CACNA2D1: variants seen among roughly 807,000 people sequenced by gnomAD.
CACNA2D1 encodes calcium voltage-gated channel auxiliary subunit alpha2delta 1.
A neutral mutation model predicts 171.5 loss-of-function variants in CACNA2D1; 53 were observed. The observed-to-expected ratio is 0.31, with a 90% CI of 0.25 to 0.39. CACNA2D1 has a LOEUF of 0.39. CACNA2D1 is among the 10% of genes least tolerant of loss of function. The pLI is 1.00. For missense variants in CACNA2D1, 903 were observed against 1,299.8 expected (o/e 0.69, Z 4.69); for synonymous variants, 442 against 443.1 (o/e 1.00, Z 0.03).
chr7:82,129,492 A>G (rs890027300), intron 5 of CACNA2D1, among the ~76,000 whole-genome samples: 1 of 152,078 alleles, frequency 6.6e-6, no homozygotes, highest in Non-Finnish European at 1.5e-5. Flanking sequence ...ACTTATTCTG[A>G]GGATTATTGA....
chr7:82,149,824 G>A (rs1307077879), intron 4 of CACNA2D1, among the ~76,000 whole-genome samples: 1 of 151,734 alleles, frequency 6.6e-6, no homozygotes, highest in Non-Finnish European at 1.5e-5. Flanking sequence ...GGGTGTGGTG[G>A]TAGGCGCCTG....
chr7:82,245,587 A>G (rs1368225690), intron 3 of CACNA2D1, among the ~76,000 whole-genome samples: 3 of 151,988 alleles, frequency 2.0e-5, no homozygotes, highest in Non-Finnish European at 4.4e-5. Flanking sequence ...AGACTTTCGT[A>G]AATATTCAGT....
intron 11 of CACNA2D1, among the ~76,000 whole-genome samples, chr7:82,037,589 G>C (rs1803456619): frequency 6.6e-6 from 1 of 152,066 alleles, no homozygotes; most frequent in South Asian, 2.1e-4. Context: ...AAGAATTCCT[G>C]CTCCGGGAGT....
intron 10 of CACNA2D1, among the ~76,000 whole-genome samples, chr7:82,052,365 C>G (rs1805288177): frequency 1.3e-5 from 2 of 152,166 alleles, no homozygotes; most frequent in Non-Finnish European, 2.9e-5. Flanking sequence ...TGCACACATG[C>G]ACGCACACAT....
Position 82,007,815 on chromosome 7 carries a change from G to C in CACNA2D1, c.1363-59C>G. On this transcript the variant is annotated intron_variant, in intron 15 of 38. Coordinates refer to ENST00000356860, the MANE Select transcript of CACNA2D1 (RefSeq NM_000722.4). ...AAATTACAATTTAAGCTTTGTCAGAGTGCACTAACCTTTGATATCTGAGAT... is the reference window on the plus strand; with the variant it reads ...AAATTACAATTTAAGCTTTGTCAGACTGCACTAACCTTTGATATCTGAGAT... 2 of 971,796 alleles carry C rather than the reference G, an allele frequency of 2.1e-6. 1 individual carries two copies. Among genetic ancestry groups the C allele is most frequent in the Middle Eastern group, 4.2e-4 (2 of 4,792 alleles). The allele number at this position is 971,796 out of a possible 1,614,324, so 60.2% of individuals were successfully genotyped here.
At chr7:82,111,887 A>T (rs2129049242) in intron 6 of CACNA2D1, among the ~76,000 whole-genome samples, 1 of 152,274 alleles carries the variant, frequency 6.6e-6, no homozygotes, top group South Asian at 2.1e-4. Flanking sequence ...TTTACTTTCT[A>T]ACATATTGTT....
chr7:82,038,882 C>A (rs922232717), intron 10 of CACNA2D1, among the ~76,000 whole-genome samples: 1 of 152,120 alleles, frequency 6.6e-6, no homozygotes, highest in South Asian at 2.1e-4. Flanking sequence ...AACATCAACT[C>A]CAACGATAAC....
At chr7:81,991,307 G>T in intron 20 of CACNA2D1, 61 bp from the exon 21 acceptor site, 1 of 845,606 alleles carries the variant, frequency 1.2e-6, no homozygotes, top group Non-Finnish European at 2.1e-6. Flanking sequence ...TATACGAAAA[G>T]TAAAGCCGTA....
At chr7:82,138,829 C>G (rs1397207163) in intron 4 of CACNA2D1, among the ~76,000 whole-genome samples, 2 of 152,082 alleles carry the variant, frequency 1.3e-5, no homozygotes, top group Admixed American at 6.6e-5. Context: ...AGACCCAAAC[C>G]TAATTACTAG....
chr7:82,279,660 A>G (rs1461043835), intron 3 of CACNA2D1, among the ~76,000 whole-genome samples: 2 of 152,214 alleles, frequency 1.3e-5, no homozygotes, highest in Non-Finnish European at 2.9e-5. Context: ...CTAACTTTTC[A>G]TAATTGCTCT....
intron 3 of CACNA2D1, among the ~76,000 whole-genome samples, chr7:82,207,662 T>C (rs1017512617): frequency 5.3e-5 from 8 of 152,158 alleles, no homozygotes; most frequent in African/African-American, 1.7e-4. Context: ...TGAGGCCACA[T>C]AGTCACCTGC....
intron 4 of CACNA2D1, among the ~76,000 whole-genome samples, chr7:82,146,598 A>C (rs1351912115): frequency 6.6e-6 from 1 of 150,482 alleles, no homozygotes; most frequent in Non-Finnish European, 1.5e-5. Context: ...TCTATTGTGC[A>C]TATACTCAAT....
intron 3 of CACNA2D1, among the ~76,000 whole-genome samples, chr7:82,256,534 A>C (rs989167675): frequency 6.6e-6 from 1 of 152,216 alleles, no homozygotes; most frequent in East Asian, 1.9e-4. Context: ...TTGCATGCCT[A>C]CATGGTGTAG....
chr7:82,109,095 G>T (rs1219072438), intron 6 of CACNA2D1, among the ~76,000 whole-genome samples: 1 of 152,028 alleles, frequency 6.6e-6, no homozygotes, highest in Admixed American at 6.6e-5. Flanking sequence ...AAAAGGAAAA[G>T]CTACTCTGCT....
Position 82,007,726 on chromosome 7 carries a change from G to T in CACNA2D1, c.1393C>A (p.Pro465Thr), listed in dbSNP as rs776146612. Reference sequence around the variant, plus strand: ...AATTGGCCGGTTATGTTGAAGACCGGAAGAGTTCCAGTAATGACAAGTCCC... The same window carrying T: ...AATTGGCCGGTTATGTTGAAGACCGTAAGAGTTCCAGTAATGACAAGTCCC... ...ELGLVITGTL[P>T]VFNITGQFEN... The change falls in exon 16 of 39, where the codon CCG becomes ACG. Residue 465 changes from proline (P) to threonine (T), a missense_variant. Physicochemically the swap from Pro to Thr is conservative, Grantham distance 38 (BLOSUM62 -1). This residue lies in a region of CACNA2D1 where 623 missense variants were observed against 925.5 expected (regional missense o/e 0.67). Coordinates refer to ENST00000356860, the MANE Select transcript of CACNA2D1 (RefSeq NM_000722.4). The T allele has an allele frequency of 2.5e-6, 4 of 1,601,306 alleles. No individual in the cohort carries two copies. The highest frequency in any genetic ancestry group is 3.4e-6 in the Non-Finnish European group (4 of 1,168,862).
chr7:82,342,530 G>C (rs1250179255), intron 2 of CACNA2D1, among the ~76,000 whole-genome samples: 1 of 152,146 alleles, frequency 6.6e-6, no homozygotes, highest in Non-Finnish European at 1.5e-5. Flanking sequence ...AAGATGCTAT[G>C]CAGTTACATA....
chr7:82,192,475 TGTGTGTGTG>T (rs1563182558), intron 3 of CACNA2D1, among the ~76,000 whole-genome samples: 617 of 32,206 alleles, frequency 0.019, 7 homozygotes, highest in African/African-American at 0.035. Context: ...TGTGTGTGTG[TGTGTGTGTG>T]TGTGTGTGTG....
Position 82,443,442 on chromosome 7 carries a change from C to G in CACNA2D1, c.18G>C (p.Leu6=). 6.2e-7 allele frequency: 1 copy of G among 1,607,500 alleles called. No individual in the cohort carries two copies. Among genetic ancestry groups the G allele is most frequent in the East Asian group, 2.3e-5 (1 of 44,432 alleles). ...GGAAAAGTGTCAGAGTCAAGGCCAGCAGGCAGCCAGCAGCCATCTTCGCGA... is the reference window on the plus strand; with the variant it reads ...GGAAAAGTGTCAGAGTCAAGGCCAGGAGGCAGCCAGCAGCCATCTTCGCGA... The part of the protein sequence containing the change: MAAGC[L]LALTLTLFQS... Residue 6 remains leucine, a synonymous_variant, in exon 1 of 39, where the codon CTG becomes CTC. Coordinates refer to ENST00000356860, the MANE Select transcript of CACNA2D1 (RefSeq NM_000722.4).
At chr7:82,103,047 C>G (rs1812878614) in intron 6 of CACNA2D1, among the ~76,000 whole-genome samples, 1 of 152,114 alleles carries the variant, frequency 6.6e-6, no homozygotes, top group Admixed American at 6.5e-5. Context: ...TGGGCTCATG[C>G]TGGTAATCCC....
Sources: gnomAD v4.1 joint callset for allele counts (sites outside exome capture counted in the v4.1 genomes callset) on GRCh38, gnomAD v4.1.1 for gene constraint, gnomAD v4.1.1 regional missense constraint, MANE v1.5 for transcripts, NCBI Gene and HGNC (gene_info 2026-07-23, HGNC 2026-07-21) for gene names.